CDH13: variants seen among roughly 807,000 people sequenced by gnomAD.
CDH13 encodes the protein cadherin-13.
A neutral mutation model predicts 63.8 loss-of-function variants in CDH13; 24 were observed. That is an observed-to-expected ratio of 0.38 (90% CI 0.27 to 0.53). The LOEUF (loss-of-function observed/expected upper bound fraction) is 0.53. Among genes scored for constraint, CDH13 ranks in the 20% least tolerant of loss-of-function variants. CDH13 has a pLI of 0.85. For missense variants in CDH13, 1,049 were observed against 903.1 expected (o/e 1.16, Z -2.07); for synonymous variants, 503 against 355.3 (o/e 1.42, Z -4.67).
At chr16:82,918,762 A>AC (rs1567661266) in intron 2 of CDH13, among the ~76,000 whole-genome samples, 4 of 151,260 alleles carry the variant, frequency 2.6e-5, no homozygotes, top group South Asian at 2.1e-4. Flanking sequence ...GCCTACCTCA[A>AC]CCCCCCGACA....
At chr16:82,971,111 C>T (rs924816005) in intron 2 of CDH13, among the ~76,000 whole-genome samples, 1 of 152,194 alleles carries the variant, frequency 6.6e-6, no homozygotes, top group Non-Finnish European at 1.5e-5. Context: ...CAGGCCTCAA[C>T]CAAAGACCAG....
At chr16:83,454,333 C>G (rs2072964119) in intron 6 of CDH13, among the ~76,000 whole-genome samples, 1 of 152,082 alleles carries the variant, frequency 6.6e-6, no homozygotes, top group Admixed American at 6.5e-5. Context: ...CCAAATAAGC[C>G]CAAAAGAAAT....
rs961660464 is a variant in CDH13, at chr16:83,339,831, C to A, written c.637-5031C>A. ...GGAAACCACTAGCACTAGAATCTCTCAAAGTGCTGGTTTAAACATAAATTC... is the reference window on the plus strand; with the variant it reads ...GGAAACCACTAGCACTAGAATCTCTAAAAGTGCTGGTTTAAACATAAATTC... On this transcript the variant is annotated intron_variant, in intron 5 of 13. Coordinates refer to ENST00000567109, the MANE Select transcript of CDH13 (RefSeq NM_001257.5). Among the ~76,000 whole-genome samples the A allele has an allele frequency of 1.3e-5, 2 of 152,328 alleles. 1 individual carries two copies. Among genetic ancestry groups the A allele is most frequent in the Admixed American group, 1.3e-4 (2 of 15,300 alleles).
At chr16:83,200,972 T>TGTGTGTGTGTGTG (rs2039012658) in intron 4 of CDH13, among the ~76,000 whole-genome samples, 1 of 144,996 alleles carries the variant, frequency 6.9e-6, no homozygotes, top group Non-Finnish European at 1.5e-5. Context: ...TGTGTGTGTG[T>TGTGTGTGTGTGTG]TATTGGGATC....
chr16:82,763,820 C>G (rs1358722516), intron 1 of CDH13, among the ~76,000 whole-genome samples: 1 of 152,188 alleles, frequency 6.6e-6, no homozygotes, highest in East Asian at 1.9e-4. Context: ...GTAGCTGGGA[C>G]TATAGGTGCA....
intron 5 of CDH13, among the ~76,000 whole-genome samples, chr16:83,272,281 T>G (rs16960061): frequency 6.6e-6 from 1 of 152,096 alleles, no homozygotes; most frequent in Non-Finnish European, 1.5e-5. Flanking sequence ...CTGTGTAGAA[T>G]TAAGAGGCCA....
In CDH13 at chr16:83,134,480, G is replaced by T. The variant is rs543934364; in HGVS notation, c.483+8979G>T. ...GCTGGGATTACAGGCATGAGATGCT[G>T]TGCCCAGCCAGTAGATCTTGATAGA... On this transcript the variant is annotated intron_variant, in intron 4 of 13. Coordinates refer to ENST00000567109, the MANE Select transcript of CDH13 (RefSeq NM_001257.5). 3.5e-3 allele frequency among the ~76,000 whole-genome samples: 525 copies of T among 151,416 alleles called. 4 individuals carry two copies. The highest frequency in any genetic ancestry group is 0.012 in the African/African-American group (507 of 41,258).
chr16:82,819,592 G>A (rs1348466919), intron 1 of CDH13, among the ~76,000 whole-genome samples: 1 of 152,128 alleles, frequency 6.6e-6, no homozygotes, highest in African/African-American at 2.4e-5. Flanking sequence ...GGGCAACATG[G>A]GAGACAGAGG....
At chr16:83,070,768 A>C (rs1291273384) in intron 3 of CDH13, among the ~76,000 whole-genome samples, 2 of 152,092 alleles carry the variant, frequency 1.3e-5, no homozygotes, top group Admixed American at 6.6e-5. Flanking sequence ...TGGAAATTCA[A>C]ATGTAAAAAC....
chr16:82,768,387 C>T (rs1051632086), intron 1 of CDH13, among the ~76,000 whole-genome samples: 50 of 152,112 alleles, frequency 3.3e-4, no homozygotes, highest in African/African-American at 1.2e-3. Flanking sequence ...ACTGAATTGA[C>T]CATTTCAGCC....
At chr16:82,874,568 A>G (rs559151802) in intron 2 of CDH13, among the ~76,000 whole-genome samples, 13 of 152,274 alleles carry the variant, frequency 8.5e-5, no homozygotes, top group East Asian at 7.7e-4. Flanking sequence ...AAGACCTCCC[A>G]GAGGATCTAT....
At chr16:82,946,008 T>A (rs1904673875) in intron 2 of CDH13, among the ~76,000 whole-genome samples, 1 of 152,154 alleles carries the variant, frequency 6.6e-6, no homozygotes, top group East Asian at 1.9e-4. Flanking sequence ...TTTGTAATTC[T>A]GAATTTTATA....
At chr16:83,348,280 T>TG (rs1431955902) in intron 6 of CDH13, among the ~76,000 whole-genome samples, 1 of 152,220 alleles carries the variant, frequency 6.6e-6, no homozygotes, top group Non-Finnish European at 1.5e-5. Flanking sequence ...CAGGCCCAGC[T>TG]GGGGGAAGTA....
chr16:83,045,265 G>T (rs544533164), intron 3 of CDH13, among the ~76,000 whole-genome samples: 1 of 152,114 alleles, frequency 6.6e-6, no homozygotes, highest in African/African-American at 2.4e-5. Context: ...AACTTTCCTC[G>T]TGAACAGAAC....
intron 10 of CDH13, among the ~76,000 whole-genome samples, chr16:83,714,086 T>C (rs1299295710): frequency 6.6e-6 from 1 of 151,948 alleles, no homozygotes; most frequent in African/African-American, 2.4e-5. Flanking sequence ...GGGCAGTGAG[T>C]GGAGGGGGGG....
intron 1 of CDH13, among the ~76,000 whole-genome samples, chr16:82,701,675 A>T (rs550901139): frequency 2.6e-5 from 4 of 152,228 alleles, no homozygotes; most frequent in African/African-American, 7.2e-5. Flanking sequence ...TCCAGCAGCA[A>T]TCCCAGACTC....
intron 7 of CDH13, among the ~76,000 whole-genome samples, chr16:83,570,052 A>C (rs141645840): frequency 6.6e-6 from 1 of 152,148 alleles, no homozygotes; most frequent in African/African-American, 2.4e-5. Flanking sequence ...AGTGGTTTTA[A>C]ACTGATCATC....
At chr16:83,479,734 C>A (rs1491001502) in intron 6 of CDH13, among the ~76,000 whole-genome samples, 1 of 152,058 alleles carries the variant, frequency 6.6e-6, no homozygotes, top group Non-Finnish European at 1.5e-5. Flanking sequence ...TGTGCATTCT[C>A]AAAGGGGGTA....
At chr16:82,900,330 C>G (rs1345975632) in intron 2 of CDH13, among the ~76,000 whole-genome samples, 3 of 152,262 alleles carry the variant, frequency 2.0e-5, no homozygotes, top group South Asian at 2.1e-4. Flanking sequence ...CAAATAAACT[C>G]TGAAGTTGAG....
Sources: gnomAD v4.1 joint callset for allele counts (sites outside exome capture counted in the v4.1 genomes callset) on GRCh38, gnomAD v4.1.1 for gene constraint, MANE v1.5 for transcripts, NCBI Gene and HGNC (gene_info 2026-07-23, HGNC 2026-07-21) for gene names.